Variants in BDP1 observed in about 807,000 individuals in gnomAD.
The protein encoded by BDP1 is BDP1 general transcription factor IIIB subunit.
In BDP1, 169 loss-of-function variants were observed where a neutral mutation model predicts 266.6. That is an observed-to-expected ratio of 0.63 (90% CI 0.56 to 0.72). The LOEUF (loss-of-function observed/expected upper bound fraction) is 0.72. Among genes scored for constraint, BDP1 ranks in the 30% least tolerant of loss-of-function variants. BDP1 has a pLI of 0.00. For synonymous variants in BDP1, 1,090 were observed against 1,022.4 expected (o/e 1.07, Z -1.26); for missense variants, 3,015 against 3,053.8 (o/e 0.99, Z 0.30).
chr5:71,494,117 T>G (rs1377731108), intron 11 of BDP1, among the ~76,000 whole-genome samples: 1 of 152,126 alleles, frequency 6.6e-6, no homozygotes, highest in Non-Finnish European at 1.5e-5. Context: ...TAACAAATCC[T>G]CCATAAAGAA....
intron 6 of BDP1, among the ~76,000 whole-genome samples, chr5:71,470,121 G>A (rs892545917): frequency 6.6e-6 from 1 of 151,962 alleles, no homozygotes; most frequent in South Asian, 2.1e-4. Flanking sequence ...GATTACAGGC[G>A]TGAACCACCG....
intron 3 of BDP1, 129 bp from the exon 4 acceptor site, chr5:71,463,929 T>C: frequency 1.7e-6 from 1 of 590,080 alleles, no homozygotes; most frequent in Non-Finnish European, 3.0e-6. Context: ...GATTGTACTG[T>C]CATTAACGAA....
At chr5:71,513,698 T>C (rs1224753597) in intron 19 of BDP1, among the ~76,000 whole-genome samples, 4 of 152,000 alleles carry the variant, frequency 2.6e-5, no homozygotes, top group African/African-American at 7.2e-5. Context: ...ATAGAAAAAA[T>C]GACAATAATA....
In BDP1 at chr5:71,467,346, T is replaced by A; in HGVS notation, c.786-8T>A. 2 of 1,586,184 alleles carry A rather than the reference T, an allele frequency of 1.3e-6. No homozygotes were observed. The highest frequency in any genetic ancestry group is 1.7e-6 in the Non-Finnish European group (2 of 1,161,422). On this transcript the variant is annotated splice_region_variant and splice_polypyrimidine_tract_variant and intron_variant, in intron 5 of 38. Transcript: ENST00000358731. ...GTATACATCTATTTAAAAATGTGTT[T>A]ATTTCAGTTTAACTGTAGAAGTTTT... is the stretch of plus-strand genomic sequence containing the variant.
intron 7 of BDP1, among the ~76,000 whole-genome samples, chr5:71,473,265 T>A (rs1276553095): frequency 1.0e-4 from 1 of 9,934 alleles, no homozygotes; most frequent in Admixed American, 1.8e-3. Flanking sequence ...TAATGTAATT[T>A]TTTTTTTTTT....
At chr5:71,485,672 C>A (rs754893141) in intron 8 of BDP1, among the ~76,000 whole-genome samples, 3 of 152,124 alleles carry the variant, frequency 2.0e-5, no homozygotes, top group Non-Finnish European at 1.5e-5. Flanking sequence ...TGGATTCATT[C>A]CTGGAGTGTT....
At chr5:71,574,270 GA>G in the BDP1 span, among the ~76,000 whole-genome samples, 1 of 152,244 alleles carries the variant, frequency 6.6e-6, no homozygotes, top group South Asian at 2.1e-4. Flanking sequence ...TCCCCCAGCA[GA>G]AAAAAATGCC....
At chr5:71,456,691 A>G (rs904845731) in intron 1 of BDP1, among the ~76,000 whole-genome samples, 3 of 152,200 alleles carry the variant, frequency 2.0e-5, no homozygotes, top group Admixed American at 1.3e-4. Flanking sequence ...GCAAAATGGG[A>G]ATAATATTGC....
intron 7 of BDP1, among the ~76,000 whole-genome samples, chr5:71,480,508 G>T (rs1246588946): frequency 6.6e-6 from 1 of 151,490 alleles, no homozygotes; most frequent in Non-Finnish European, 1.5e-5. Flanking sequence ...GACCTCAAGT[G>T]ATCCACCTAT....
At chr5:71,562,222 A>ATAATTTTT in intron 37 of BDP1, 52 bp from the exon 38 acceptor site, 2 of 1,213,938 alleles carry the variant, frequency 1.6e-6, no homozygotes, top group African/African-American at 1.6e-5. Flanking sequence ...AAAAAAAAAA[A>ATAATTTTT]AGAATGTGTC....
At chr5:71,562,561 G>C in intron 38 of BDP1, 41 bp downstream of exon 38, 1 of 1,582,490 alleles carries the variant, frequency 6.3e-7, no homozygotes, top group South Asian at 1.1e-5. Flanking sequence ...GTATGAGATG[G>C]GTTGGATATG....
rs1764780099 is a variant in BDP1 at position 71,509,583 on chromosome 5, G to GA, written c.2493dup (p.Glu832ArgfsTer35). ...TGGAAGGAGAGAAATTTCCTCAAAGGAAGAGGTACTAGAGAAGATTCTTGT... is the reference window on the plus strand; with the variant it reads ...TGGAAGGAGAGAAATTTCCTCAAAGGAAAGAGGTACTAGAGAAGATTCTTGT... On this transcript the variant is annotated frameshift_variant, in exon 17 of 39. Coordinates refer to ENST00000358731, the MANE Select transcript of BDP1 (RefSeq NM_018429.3). LOFTEE classifies it high-confidence loss of function. The GA allele has an allele frequency of 1.9e-6, 3 of 1,613,716 alleles. No individual in the cohort carries two copies. Among genetic ancestry groups the GA allele is most frequent in the Admixed American group, 1.7e-5 (1 of 59,928 alleles).
chr5:71,473,463 A>C (rs950775400), intron 7 of BDP1, among the ~76,000 whole-genome samples: 1 of 151,010 alleles, frequency 6.6e-6, no homozygotes, highest in Non-Finnish European at 1.5e-5. Context: ...TTTAGTTGAG[A>C]CGGAGTTTCA....
Position 71,513,386 on chromosome 5 carries a change from T to A in BDP1, c.4449T>A (p.Thr1483=). 6.3e-7 allele frequency: 1 copy of A among 1,585,906 alleles called. No individual in the cohort carries two copies. The highest frequency in any genetic ancestry group is 8.6e-7 in the Non-Finnish European group (1 of 1,166,724). Residue 1483 remains threonine, a synonymous_variant, in exon 19 of 39, where the codon ACT becomes ACA. Coordinates refer to ENST00000358731, the MANE Select transcript of BDP1 (RefSeq NM_018429.3). ...TGATGCAAGAAAATAATGAACAAAC[T>A]GATACTCTCCCTTCTCAACATGTGA... ...TIVMQENNEQ[T]DTLPSQHDEA...
intron 7 of BDP1, among the ~76,000 whole-genome samples, chr5:71,471,211 C>T (rs574619598): frequency 1.3e-3 from 180 of 134,544 alleles, no homozygotes; most frequent in African/African-American, 4.9e-3. Context: ...GGTGCGATAT[C>T]GGCTCACTGC....
At chr5:71,525,092 C>G (rs1030331962) in intron 25 of BDP1, among the ~76,000 whole-genome samples, 5 of 152,234 alleles carry the variant, frequency 3.3e-5, no homozygotes, top group African/African-American at 9.6e-5. Context: ...CTGTTCCCCC[C>G]TTTCTATTCC....
chr5:71,461,722 T>C (rs1761576797), intron 2 of BDP1, 95 bp from the exon 3 acceptor site: 3 of 666,014 alleles, frequency 4.5e-6, no homozygotes. Context: ...TTAAAGCACT[T>C]ACAGTGAACG....
At position 71,458,674 on chromosome 5, in the gene BDP1, G is replaced by T. The variant is rs754923828; in HGVS notation, c.308G>T (p.Ser103Ile). The T allele has an allele frequency of 2.3e-5, 37 of 1,614,008 alleles. No individual in the cohort carries two copies. The highest frequency in any genetic ancestry group is 3.0e-5 in the Non-Finnish European group (35 of 1,179,916). The change falls in exon 2 of 39, where the codon AGC becomes ATC. Residue 103 changes from serine to isoleucine, a missense_variant. By Grantham distance (142) the Ser-to-Ile change is moderately radical (BLOSUM62 -2). Transcript: ENST00000358731. ...AGAAAGCGAATATCAAGTACTTCTAGCCTGGTTAAGTCTAGTGTCAGTGTT... is the reference window on the plus strand; with the variant it reads ...AGAAAGCGAATATCAAGTACTTCTATCCTGGTTAAGTCTAGTGTCAGTGTT... ...QRRKRISSTS[S>I]LVKSSVSVPS... is the part of the protein sequence containing the mutation.
chr5:71,518,311 A>G (rs1765327487), intron 22 of BDP1, among the ~76,000 whole-genome samples: 1 of 152,224 alleles, frequency 6.6e-6, no homozygotes, highest in Non-Finnish European at 1.5e-5. Context: ...TTAATTAGGT[A>G]GAGTGACTTT....
Sources: gnomAD v4.1 joint callset for allele counts (sites outside exome capture counted in the v4.1 genomes callset) on GRCh38, gnomAD v4.1.1 for gene constraint, MANE v1.5 for transcripts, NCBI Gene and HGNC (gene_info 2026-07-23, HGNC 2026-07-21) for gene names.